The following USP10 variants were observed in gnomAD, a reference collection of about 807,000 sequenced individuals.
USP10 encodes ubiquitin carboxyl-terminal hydrolase 10.
Under a neutral mutation model 84.5 loss-of-function variants are expected in USP10, and 22 were observed. That is an observed-to-expected ratio of 0.26 (90% confidence interval 0.19 to 0.37). The LOEUF is 0.37. Ranked by LOEUF, USP10 falls within the 10% of genes least tolerant of loss-of-function variation. The pLI is 1.00. For missense variants in USP10, 1,019 were observed against 998.9 expected (o/e 1.02, Z -0.27); for synonymous variants, 454 against 387.6 (o/e 1.17, Z -2.01).
intron 1 of USP10, among the ~76,000 whole-genome samples, chr16:84,710,234 A>T (rs1170115315): frequency 6.7e-6 from 1 of 149,452 alleles, no homozygotes; most frequent in Non-Finnish European, 1.5e-5. Flanking sequence ...GTGCCACTGC[A>T]CTCTAGCCTG....
chr16:84,774,127 GTAATCCTAGCTAC>G (rs767257203), intron 12 of USP10, among the ~76,000 whole-genome samples: 204 of 152,244 alleles, frequency 1.3e-3, no homozygotes, highest in Non-Finnish European at 2.4e-3. Context: ...GTGGGTGCCT[GTAATCCTAGCTAC>G]TTGGGAGGCT....
chr16:84,726,012 T>C (rs967364425), intron 1 of USP10, among the ~76,000 whole-genome samples: 1 of 152,178 alleles, frequency 6.6e-6, no homozygotes. Context: ...AGATTGTTCT[T>C]AGAGATTGGT....
chr16:84,713,235 T>C (rs747319866), intron 1 of USP10, among the ~76,000 whole-genome samples: 10 of 152,212 alleles, frequency 6.6e-5, no homozygotes, highest in Non-Finnish European at 5.9e-5. Context: ...GCATTGTTGG[T>C]ACAGAAATGG....
At chr16:84,731,276 G>T (rs1909195035) in intron 1 of USP10, among the ~76,000 whole-genome samples, 1 of 151,290 alleles carries the variant, frequency 6.6e-6, no homozygotes, top group Non-Finnish European at 1.5e-5. Context: ...ACCGCTCCCG[G>T]CCTCTACTTT....
chr16:84,732,598 C>T (rs1909385689), intron 1 of USP10: 1 of 312,466 alleles, frequency 3.2e-6, no homozygotes, highest in Non-Finnish European at 6.2e-6. Flanking sequence ...AGGTACACGC[C>T]ACCACGCCTG....
chr16:84,777,384 G>A (rs1915130135), intron 13 of USP10, among the ~76,000 whole-genome samples: 2 of 152,230 alleles, frequency 1.3e-5, no homozygotes, highest in African/African-American at 4.8e-5. Flanking sequence ...TCTTAGCCCA[G>A]TCAGTTAGGT....
At chr16:84,769,458 C>G (rs964732916) in intron 11 of USP10, among the ~76,000 whole-genome samples, 5 of 152,154 alleles carry the variant, frequency 3.3e-5, no homozygotes, top group African/African-American at 9.7e-5. Context: ...GAGCCAGAGG[C>G]AGAAACTTGG....
chr16:84,757,083 A>T (rs1912629209), intron 4 of USP10, among the ~76,000 whole-genome samples: 1 of 152,178 alleles, frequency 6.6e-6, no homozygotes, highest in Non-Finnish European at 1.5e-5. Flanking sequence ...GGGTTATGAT[A>T]ATTATGAATA....
chr16:84,703,399 A>G (rs903271443), intron 1 of USP10, among the ~76,000 whole-genome samples: 1 of 152,210 alleles, frequency 6.6e-6, no homozygotes, highest in South Asian at 2.1e-4. Context: ...TTGTCTCTGC[A>G]TAGACTCACC....
In USP10 at chr16:84,768,371, T is replaced by A. The variant is rs376665649; in HGVS notation, c.1998+13T>A. The A allele has an allele frequency of 1.5e-3, 2,372 of 1,567,326 alleles. 8 individuals are homozygous for A. The highest frequency in any genetic ancestry group is 1.9e-3 in the Non-Finnish European group (2,142 of 1,152,068). ...AACCAAACAAGAGGTATGTTCACAC[T>A]TGATTTTGAACCTTTCTACTAAGGT... is the stretch of plus-strand genomic sequence containing the variant. On this transcript the variant is annotated intron_variant, in intron 11 of 13. Coordinates refer to ENST00000219473, the MANE Select transcript of USP10 (RefSeq NM_005153.3).
At chr16:84,734,868 G>C (rs897748570) in intron 2 of USP10, among the ~76,000 whole-genome samples, 2 of 152,156 alleles carry the variant, frequency 1.3e-5, no homozygotes, top group African/African-American at 4.8e-5. Flanking sequence ...GGCCCTGGCA[G>C]GTGCCTCCTC....
chr16:84,760,379 A>G (rs553663213), intron 8 of USP10, 104 bp downstream of exon 8: 360 of 991,254 alleles, frequency 3.6e-4, no homozygotes, highest in Non-Finnish European at 4.9e-4. Context: ...CTCCAGCGCT[A>G]TAAGTAGATG....
rs373348121 is a variant in USP10 at position 84,703,323 on chromosome 16, A to G, written c.21+3212A>G. ...ATATTTGTGATTATTGATGTCATTT[A>G]TAGTGAAATCTCCACAATAATGCTT... is the stretch of plus-strand genomic sequence containing the variant. On this transcript the variant is annotated intron_variant, in intron 1 of 13. Transcript: ENST00000219473. Among the ~76,000 whole-genome samples the G allele has an allele frequency of 6.6e-5, 10 of 152,336 alleles. 1 individual carries two copies. The highest frequency in any genetic ancestry group is 5.2e-4 in the Admixed American group (8 of 15,308).
intron 1 of USP10, among the ~76,000 whole-genome samples, chr16:84,719,560 C>T (rs1907516269): frequency 6.6e-6 from 1 of 152,196 alleles, no homozygotes; most frequent in Non-Finnish European, 1.5e-5. Flanking sequence ...GGCCTTTGTC[C>T]AATATGGTTT....
intron 4 of USP10, among the ~76,000 whole-genome samples, chr16:84,752,967 G>A (rs573754528): frequency 1.4e-4 from 21 of 151,686 alleles, no homozygotes; most frequent in Non-Finnish European, 2.9e-4. Context: ...TTTTAAAAAC[G>A]TATTTTTTTT....
intron 12 of USP10, among the ~76,000 whole-genome samples, chr16:84,773,776 C>G (rs1451587627): frequency 6.6e-6 from 1 of 152,184 alleles, no homozygotes; most frequent in African/African-American, 2.4e-5. Flanking sequence ...ATCGGGAAAC[C>G]TGGAATGCCG....
chr16:84,718,195 G>A (rs1374945286), intron 1 of USP10, among the ~76,000 whole-genome samples: 5 of 152,120 alleles, frequency 3.3e-5, no homozygotes, highest in African/African-American at 4.8e-5. Flanking sequence ...AATGAGAGAT[G>A]AGTTTAATTA....
chr16:84,764,289 A>G, intron 10 of USP10, 26 bp downstream of exon 10: 2 of 1,613,844 alleles, frequency 1.2e-6, no homozygotes, highest in East Asian at 2.2e-5. Context: ...GAATAACTTA[A>G]TATTTGCCTT....
intron 9 of USP10, among the ~76,000 whole-genome samples, chr16:84,763,444 TATAC>T (rs1374218834): frequency 6.6e-6 from 1 of 152,260 alleles, no homozygotes; most frequent in African/African-American, 2.4e-5. Flanking sequence ...TCCATCCATA[TATAC>T]ATACATACGC....
Sources: gnomAD v4.1 joint callset for allele counts (sites outside exome capture counted in the v4.1 genomes callset) on GRCh38, gnomAD v4.1.1 for gene constraint, MANE v1.5 for transcripts, NCBI Gene and HGNC (gene_info 2026-07-23, HGNC 2026-07-21) for gene names.